Variants in ARL15 observed in about 807,000 individuals in gnomAD.
ARL15 encodes ADP-ribosylation factor-like protein 15.
A neutral mutation model predicts 25.2 loss-of-function variants in ARL15; 19 were observed. That is an observed-to-expected ratio of 0.75 (90% CI 0.53 to 1.10). The LOEUF (loss-of-function observed/expected upper bound fraction) is 1.10. Ranked by LOEUF, ARL15 falls within the 50% of genes least tolerant of loss-of-function variation. The pLI, the probability that ARL15 is intolerant of heterozygous loss-of-function variation, is 0.00. For missense variants in ARL15, 220 were observed against 246.0 expected (o/e 0.89, Z 0.71); for synonymous variants, 94 against 86.8 (o/e 1.08, Z -0.46).
At chr5:54,085,437 TA>T (rs1459702906) in intron 4 of ARL15, among the ~76,000 whole-genome samples, 4 of 152,180 alleles carry the variant, frequency 2.6e-5, no homozygotes, top group African/African-American at 9.7e-5. Flanking sequence ...AAATTGAGAA[TA>T]AGTTTTTTTA....
At chr5:54,281,136 C>A (rs1425827725) in intron 1 of ARL15, among the ~76,000 whole-genome samples, 1 of 152,072 alleles carries the variant, frequency 6.6e-6, no homozygotes, top group Non-Finnish European at 1.5e-5. Flanking sequence ...CAGAATATTA[C>A]TATAACTTTT....
At chr5:54,134,568 CTTTTTTTTTTTTTTTTT>C (rs5867914) in intron 3 of ARL15, among the ~76,000 whole-genome samples, 3 of 51,772 alleles carry the variant, frequency 5.8e-5, no homozygotes, top group South Asian at 9.0e-4. Context: ...GAATGATTAG[CTTTTTTTTTTTTTTTTT>C]TTTTTTTTTT....
intron 4 of ARL15, among the ~76,000 whole-genome samples, chr5:53,925,096 T>C (rs1745975335): frequency 6.6e-6 from 1 of 152,150 alleles, no homozygotes; most frequent in South Asian, 2.1e-4. Flanking sequence ...ATTTGTCCTA[T>C]ATTGCAGACA....
intron 4 of ARL15, among the ~76,000 whole-genome samples, chr5:54,055,352 CTTTTTTTTTT>C (rs147040538): frequency 1.6e-4 from 9 of 55,330 alleles, no homozygotes; most frequent in African/African-American, 7.3e-4. Flanking sequence ...ATCATCATTC[CTTTTTTTTTT>C]TTTTTTTTTT....
chr5:54,106,843 T>C lies in ARL15; in HGVS notation c.462+6359A>G, dbSNP rs568870592. Among the ~76,000 whole-genome samples, 369 of 152,152 alleles carry C rather than the reference T, an allele frequency of 2.4e-3. 2 individuals carry two copies. The highest frequency in any genetic ancestry group is 0.017 in the Middle Eastern group (5 of 294). On this transcript the variant is annotated intron_variant, in intron 4 of 4. Transcript: ENST00000504924. ...CCTTAAGGAGTAGACAGAGAAGTTA[T>C]AGGCGAAATTCTAATATTATGATTT...
At chr5:54,044,767 A>G (rs1257642172) in intron 4 of ARL15, among the ~76,000 whole-genome samples, 2 of 152,220 alleles carry the variant, frequency 1.3e-5, no homozygotes, top group Non-Finnish European at 2.9e-5. Flanking sequence ...AATTGTGACC[A>G]TTACATTTTA....
intron 4 of ARL15, among the ~76,000 whole-genome samples, chr5:53,985,156 C>T (rs968157030): frequency 2.4e-4 from 37 of 152,226 alleles, no homozygotes; most frequent in African/African-American, 8.4e-4. Flanking sequence ...GCTCCCAATT[C>T]TACATAATCA....
intron 4 of ARL15, among the ~76,000 whole-genome samples, chr5:53,973,574 CAAAA>C (rs34108460): frequency 2.3e-5 from 2 of 87,124 alleles, no homozygotes; most frequent in Non-Finnish European, 2.1e-5. Flanking sequence ...AACTTCATCT[CAAAA>C]AAAAAAAAAA....
chr5:54,037,919 T>C (rs1750222168), intron 4 of ARL15, among the ~76,000 whole-genome samples: 1 of 152,096 alleles, frequency 6.6e-6, no homozygotes, highest in Non-Finnish European at 1.5e-5. Context: ...CTGCAAACAT[T>C]ATGGACCTTT....
chr5:54,219,420 G>C lies in ARL15; in HGVS notation c.49-47492C>G, dbSNP rs528658054. Among the ~76,000 whole-genome samples, 4 of 152,284 alleles carry C rather than the reference G, an allele frequency of 2.6e-5. No individual in the cohort carries two copies. In the South Asian group the frequency reaches 8.3e-4, roughly 32 times the overall value. On this transcript the variant is annotated intron_variant, in intron 1 of 4. Transcript: ENST00000504924. ...AAATTCAATGCCTTTCTTTGGTAGG[G>C]ACAGTGAGGTGTGCTATGGACAACA...
intron 4 of ARL15, among the ~76,000 whole-genome samples, chr5:53,989,634 A>G (rs1039794026): frequency 6.6e-6 from 1 of 151,728 alleles, no homozygotes; most frequent in Non-Finnish European, 1.5e-5. Context: ...TGTAAAGCTC[A>G]ATGCTAAGTG....
intron 4 of ARL15, among the ~76,000 whole-genome samples, chr5:54,079,923 T>A (rs1013058053): frequency 2.0e-5 from 3 of 150,456 alleles, no homozygotes; most frequent in Non-Finnish European, 4.4e-5. Context: ...TGAGCTGAGA[T>A]CATGCCATTG....
intron 4 of ARL15, among the ~76,000 whole-genome samples, chr5:53,932,198 C>T (rs894498665): frequency 1.3e-5 from 2 of 152,066 alleles, no homozygotes; most frequent in African/African-American, 2.4e-5. Context: ...CAAATGTAAA[C>T]CTTATAAGGA....
Position 54,228,802 on chromosome 5 carries a change from A to G in ARL15, c.49-56874T>C, listed in dbSNP as rs112768292. On this transcript the variant is annotated intron_variant, in intron 1 of 4. Coordinates refer to ENST00000504924, the MANE Select transcript of ARL15 (RefSeq NM_019087.3). ...GGATCTCATGTTAAGGATTCTAAGA[A>G]TTCTTTACTTAAGAGATCTGTTTTC... Among the ~76,000 whole-genome samples, 813 of 152,338 alleles carry G rather than the reference A, an allele frequency of 5.3e-3. 8 individuals are homozygous for G. The highest frequency in any genetic ancestry group is 0.018 in the African/African-American group (760 of 41,572).
rs1012434455 is a variant in ARL15 at position 54,181,845 on chromosome 5, C to T, written c.49-9917G>A. The stretch of plus-strand genomic sequence containing the variant: ...GACTTTTTAATGATTGCCATTCTAA[C>T]TGGTGTGAGATGATATCTCATAGTG... On this transcript the variant is annotated intron_variant, in intron 1 of 4. Transcript: ENST00000504924. 4.6e-5 allele frequency among the ~76,000 whole-genome samples: 7 copies of T among 151,242 alleles called. 1 individual carries two copies. In the South Asian group the frequency reaches 8.5e-4, roughly 18 times the overall value.
chr5:54,236,156 C>T (rs1312801057), intron 1 of ARL15, among the ~76,000 whole-genome samples: 1 of 152,162 alleles, frequency 6.6e-6, no homozygotes, highest in Non-Finnish European at 1.5e-5. Context: ...CACTTTTAAA[C>T]TCTGGCAGAG....
chr5:53,968,399 C>G (rs765110304), intron 4 of ARL15, among the ~76,000 whole-genome samples: 1 of 152,090 alleles, frequency 6.6e-6, no homozygotes, highest in Non-Finnish European at 1.5e-5. Flanking sequence ...GGCCAAAAAA[C>G]CCAAACAAAC....
At chr5:54,017,088 T>C (rs1389378874) in intron 4 of ARL15, among the ~76,000 whole-genome samples, 2 of 152,204 alleles carry the variant, frequency 1.3e-5, no homozygotes, top group African/African-American at 2.4e-5. Flanking sequence ...GCCTCTGCCC[T>C]GTGTTGCATC....
intron 4 of ARL15, among the ~76,000 whole-genome samples, chr5:53,904,073 G>A (rs1580064576): frequency 6.6e-6 from 1 of 152,160 alleles, no homozygotes; most frequent in Admixed American, 6.5e-5. Flanking sequence ...TAAATATAAA[G>A]CAGCCATAGA....
Sources: gnomAD v4.1 joint callset for allele counts (sites outside exome capture counted in the v4.1 genomes callset) on GRCh38, gnomAD v4.1.1 for gene constraint, MANE v1.5 for transcripts, NCBI Gene and HGNC (gene_info 2026-07-23, HGNC 2026-07-21) for gene names.